RERE: variants seen among roughly 807,000 people sequenced by gnomAD.
RERE encodes the protein arginine-glutamic acid dipeptide repeats, also known as arginine-glutamic acid dipeptide repeats protein.
A neutral mutation model predicts 146.1 loss-of-function variants in RERE; 40 were observed. The ratio of observed to expected loss-of-function variants is 0.27; its 90% CI spans 0.21 to 0.36. RERE has a LOEUF of 0.36. Ranked by LOEUF, RERE falls within the 10% of genes least tolerant of loss-of-function variation. The pLI, the probability that RERE is intolerant of heterozygous loss-of-function variation, is 1.00. For synonymous variants in RERE, 1,003 were observed against 866.0 expected, an observed-to-expected ratio of 1.16 and a Z score of -2.78; for missense variants, 1,933 against 2,138.7, an observed-to-expected ratio of 0.90 and a Z score of 1.90.
intron 1 of RERE, among the ~76,000 whole-genome samples, chr1:8,657,923 T>G (rs1441743923): frequency 1.3e-5 from 2 of 152,168 alleles, no homozygotes. Context: ...TCGGGAATAT[T>G]AAGTGGTTTT....
At chr1:8,482,671 G>C (rs1263556850) in intron 10 of RERE, among the ~76,000 whole-genome samples, 1 of 97,916 alleles carries the variant, frequency 1.0e-5, no homozygotes, top group African/African-American at 3.9e-5. Flanking sequence ...AACAGAGTGA[G>C]ATTCTGTTGC....
chr1:8,576,897 C>T (rs1056975260), intron 4 of RERE, among the ~76,000 whole-genome samples: 1 of 152,178 alleles, frequency 6.6e-6, no homozygotes, highest in South Asian at 2.1e-4. Context: ...GTGCTGGGCA[C>T]GGTGGCTCAT....
At chr1:8,459,533 G>C (rs77188397) in intron 11 of RERE, among the ~76,000 whole-genome samples, 5,428 of 152,184 alleles carry the variant, frequency 0.036, 330 homozygotes, top group African/African-American at 0.12. Flanking sequence ...CAAATGAATT[G>C]TAAAAATTTT....
intron 1 of RERE, among the ~76,000 whole-genome samples, chr1:8,766,213 T>C (rs1640842057): frequency 1.3e-5 from 2 of 152,120 alleles, no homozygotes; most frequent in Non-Finnish European, 2.9e-5. Flanking sequence ...GATTTGAACA[T>C]GCCAACTGGT....
At chr1:8,490,867 T>G (rs1256505513) in intron 10 of RERE, among the ~76,000 whole-genome samples, 2 of 150,634 alleles carry the variant, frequency 1.3e-5, no homozygotes, top group Non-Finnish European at 2.9e-5. Flanking sequence ...TATCTTGACA[T>G]TATAGTAGTT....
intron 4 of RERE, among the ~76,000 whole-genome samples, chr1:8,561,020 C>A (rs1324093091): frequency 6.6e-6 from 1 of 152,204 alleles, no homozygotes; most frequent in East Asian, 1.9e-4. Context: ...CAAATTTGTA[C>A]AATGTCTATC....
At chr1:8,641,917 A>C (rs1328414425) in intron 2 of RERE, among the ~76,000 whole-genome samples, 3 of 152,212 alleles carry the variant, frequency 2.0e-5, no homozygotes, top group African/African-American at 7.2e-5. Context: ...AAGGAGGATT[A>C]AAAATTAAGT....
chr1:8,712,372 A>G (rs920868283), intron 1 of RERE, among the ~76,000 whole-genome samples: 4 of 152,268 alleles, frequency 2.6e-5, no homozygotes, highest in African/African-American at 9.6e-5. Flanking sequence ...TAACGTTTAC[A>G]TCATCTGATT....
rs145229043 is a variant in RERE, at chr1:8,390,808, A to G, written c.1285-24834T>C. Among the ~76,000 whole-genome samples the G allele has an allele frequency of 9.7e-3, 1,472 of 152,198 alleles. 6 individuals are homozygous for G. The highest frequency in any genetic ancestry group is 0.017 in the Middle Eastern group (5 of 294). ...CCTAAACTTACCTCCCCATCTTAAC[A>G]AGCAGCACTTCCCCTACCCAGTGGC... On this transcript the variant is annotated intron_variant, in intron 12 of 22. Transcript: ENST00000400908.
At chr1:8,630,750 A>G (rs186740703) in intron 2 of RERE, among the ~76,000 whole-genome samples, 18 of 152,280 alleles carry the variant, frequency 1.2e-4, no homozygotes, top group Admixed American at 1.0e-3. Flanking sequence ...ACATATATAC[A>G]CACATACATA....
Position 8,355,005 on chromosome 1 carries a change from G to A in RERE, c.*82C>T. 1.8e-6 allele frequency: 2 copies of A among 1,130,806 alleles called. No homozygotes were observed. The highest frequency in any genetic ancestry group is 2.6e-6 in the Non-Finnish European group (2 of 764,712). 70.0% of individuals were successfully genotyped at this position (1,130,806 alleles called of 1,614,324 possible). A position where few individuals can be genotyped will look rare whatever the true frequency, so the allele number is the denominator to read the frequency against. On this transcript the variant is annotated 3_prime_UTR_variant, in exon 23 of 23. Coordinates refer to ENST00000400908, the MANE Select transcript of RERE (RefSeq NM_001042681.2). The stretch of plus-strand genomic sequence containing the variant: ...TTTAGAAGATATTCTTTTTGCTTTT[G>A]CAGCTCCTATTTTATGTAAAAAGTC...
chr1:8,605,219 AC>A (rs926089490), intron 4 of RERE, among the ~76,000 whole-genome samples: 19 of 152,008 alleles, frequency 1.2e-4, no homozygotes, highest in African/African-American at 4.6e-4. Flanking sequence ...TGCAACCTCC[AC>A]CTCCCTGATT....
intron 1 of RERE, among the ~76,000 whole-genome samples, chr1:8,809,137 T>G (rs1182335479): frequency 1.1e-5 from 1 of 95,072 alleles, no homozygotes; most frequent in African/African-American, 4.6e-5. Flanking sequence ...GACTTTGTCT[T>G]AAAAAAAAAA....
At chr1:8,432,128 T>A (rs540407150) in intron 11 of RERE, among the ~76,000 whole-genome samples, 2 of 152,316 alleles carry the variant, frequency 1.3e-5, no homozygotes, top group East Asian at 3.9e-4. Flanking sequence ...GTTCTCTTAT[T>A]TGAAGACCTG....
At chr1:8,362,606 T>C (rs565165862) in intron 16 of RERE, 77 bp downstream of exon 16, 16 of 1,564,050 alleles carry the variant, frequency 1.0e-5, no homozygotes, top group Middle Eastern at 1.7e-4. Context: ...CTGAGGGAGC[T>C]GATCACGAAT....
intron 7 of RERE, among the ~76,000 whole-genome samples, chr1:8,536,129 T>C (rs1557677271): frequency 6.7e-6 from 1 of 149,442 alleles, no homozygotes; most frequent in Non-Finnish European, 1.5e-5. Flanking sequence ...AAATCAGATA[T>C]TTTTCAATCT....
intron 4 of RERE, among the ~76,000 whole-genome samples, chr1:8,608,021 C>A (rs915456560): frequency 6.6e-6 from 1 of 152,068 alleles, no homozygotes. Context: ...CCACCACACC[C>A]AGCCTAACGT....
intron 1 of RERE, among the ~76,000 whole-genome samples, chr1:8,693,158 T>A (rs72855886): frequency 0.019 from 2,834 of 152,298 alleles, 110 homozygotes; most frequent in African/African-American, 0.066. Context: ...TGCAAAATGC[T>A]AGAGACACCT....
At chr1:8,580,501 G>C (rs2124050679) in intron 4 of RERE, among the ~76,000 whole-genome samples, 1 of 152,310 alleles carries the variant, frequency 6.6e-6, no homozygotes, top group Non-Finnish European at 1.5e-5. Flanking sequence ...TGCATTATAA[G>C]ATTTTCACTT....
Sources: gnomAD v4.1 joint callset for allele counts (sites outside exome capture counted in the v4.1 genomes callset) on GRCh38, gnomAD v4.1.1 for gene constraint, MANE v1.5 for transcripts, NCBI Gene and HGNC (gene_info 2026-07-23, HGNC 2026-07-21) for gene names.